The following MAPK10 variants were observed in gnomAD, a reference collection of about 807,000 sequenced individuals.
The protein encoded by MAPK10 is JNK3 alpha protein kinase.
In MAPK10, 25 loss-of-function variants were observed where a neutral mutation model predicts 59.3. The observed-to-expected ratio is 0.42, with a 90% confidence interval of 0.31 to 0.59. MAPK10 has a LOEUF of 0.59. Ranked by LOEUF, MAPK10 falls within the 20% of genes least tolerant of loss-of-function variation. The probability of loss-of-function intolerance (pLI) is 0.15; values close to 1 mark genes in which losing one functional copy is unlikely to be tolerated. For synonymous variants in MAPK10, 190 were observed against 200.5 expected, an observed-to-expected ratio of 0.95 and a Z score of 0.44; for missense variants, 351 against 568.9, an observed-to-expected ratio of 0.62 and a Z score of 3.90.
At chr4:86,159,953 T>G (rs1444199718) in intron 3 of MAPK10, among the ~76,000 whole-genome samples, 2 of 152,012 alleles carry the variant, frequency 1.3e-5, no homozygotes, top group African/African-American at 4.8e-5. Flanking sequence ...TATGTAAAGT[T>G]TTAATTATTT....
intron 1 of MAPK10, among the ~76,000 whole-genome samples, chr4:86,490,777 T>G (rs1280249259): frequency 6.6e-6 from 1 of 152,202 alleles, no homozygotes; most frequent in Non-Finnish European, 1.5e-5. Context: ...TTTTCTAATC[T>G]AAACAAAGGT....
chr4:86,050,701 T>C (rs765576325), intron 11 of MAPK10, among the ~76,000 whole-genome samples: 16 of 152,170 alleles, frequency 1.1e-4, no homozygotes, highest in African/African-American at 2.9e-4. Context: ...TGACTATGCA[T>C]GTAAGAATTC....
At chr4:86,352,250 T>G (rs1731926568) in intron 2 of MAPK10, 1 of 151,720 alleles carries the variant, frequency 6.6e-6, no homozygotes, top group Non-Finnish European at 1.5e-5. Flanking sequence ...TATATAAACA[T>G]AAAAATGATA....
intron 1 of MAPK10, among the ~76,000 whole-genome samples, chr4:86,536,030 T>C (rs889736720): frequency 6.6e-6 from 1 of 152,174 alleles, no homozygotes; most frequent in African/African-American, 2.4e-5. Flanking sequence ...AGAAATATAA[T>C]AGGACATTTT....
At chr4:86,577,522 G>A (rs1761990698) in intron 1 of MAPK10, among the ~76,000 whole-genome samples, 1 of 152,138 alleles carries the variant, frequency 6.6e-6, no homozygotes, top group Admixed American at 6.5e-5. Context: ...AGAATGCAAA[G>A]CTCTAATAAG....
rs546159937 is a variant in MAPK10 at position 86,521,096 on chromosome 4, C to T, written c.-263+72814G>A. On this transcript the variant is annotated intron_variant, in intron 1 of 4. Coordinates refer to the MAPK10 transcript ENST00000502302. ...CTTGTTTTCTCAAATGCTGGTTATG[C>T]TAGCAGTGAAGCTTTCATGTGGACA... Among the ~76,000 whole-genome samples, 8 of 152,286 alleles carry T rather than the reference C, an allele frequency of 5.3e-5. No homozygotes were observed. The East Asian group carries it at 1.4e-3, about 26-fold the overall frequency.
intron 3 of MAPK10, among the ~76,000 whole-genome samples, chr4:86,188,901 C>G (rs369560877): frequency 3.3e-5 from 5 of 152,268 alleles, no homozygotes; most frequent in Admixed American, 2.6e-4. Context: ...ACGTTTAAGT[C>G]TTTAATCCAT....
intron 1 of MAPK10, among the ~76,000 whole-genome samples, chr4:86,450,903 C>A (rs1458614226): frequency 1.3e-5 from 2 of 152,126 alleles, no homozygotes; most frequent in Non-Finnish European, 2.9e-5. Flanking sequence ...AAGTTATTTT[C>A]TTTTTCTTCT....
chr4:86,375,182 GCA>G (rs1215504347), intron 1 of MAPK10, among the ~76,000 whole-genome samples: 1 of 151,954 alleles, frequency 6.6e-6, no homozygotes, highest in African/African-American at 2.4e-5. Context: ...AGAAATGTGT[GCA>G]CACACACACA....
Position 86,252,048 on chromosome 4 carries a change from G to A in MAPK10, c.-6-57641C>T, listed in dbSNP as rs1434799256. Among the ~76,000 whole-genome samples the A allele has an allele frequency of 7.6e-5, 9 of 118,522 alleles. 1 individual carries two copies. Among genetic ancestry groups the A allele is most frequent in the Non-Finnish European group, 1.3e-4 (8 of 62,160 alleles). 77.8% of individuals were successfully genotyped at this position (118,522 alleles called of 152,430 possible). On this transcript the variant is annotated intron_variant, in intron 2 of 13. Transcript: ENST00000641462. ...GTTTTTTTCTTGTAAATTTGTTTGA[G>A]TTCATTGTAGCTTCTGGATATTAGC...
chr4:86,280,602 C>T (rs1179636630), intron 2 of MAPK10, among the ~76,000 whole-genome samples: 2 of 151,888 alleles, frequency 1.3e-5, no homozygotes, highest in Non-Finnish European at 2.9e-5. Flanking sequence ...GGGTATATAC[C>T]CAGTGGAAAA....
intron 2 of MAPK10, among the ~76,000 whole-genome samples, chr4:86,255,314 A>G (rs944812306): frequency 1.6e-4 from 25 of 152,304 alleles, no homozygotes; most frequent in African/African-American, 5.5e-4. Flanking sequence ...TCCCTGTGTC[A>G]ATGAATAAAG....
intron 1 of MAPK10, among the ~76,000 whole-genome samples, chr4:86,462,127 C>T (rs567752650): frequency 6.6e-6 from 1 of 152,350 alleles, no homozygotes. Context: ...ATTGATACTG[C>T]ACAAAAGCTA....
At chr4:86,202,355 T>C (rs55732338) in intron 2 of MAPK10, among the ~76,000 whole-genome samples, 4,524 of 151,952 alleles carry the variant, frequency 0.03, 157 homozygotes, top group African/African-American at 0.083. Context: ...CGTATAGTAT[T>C]GTAACCATTC....
chr4:86,103,553 G>A (rs995189060), intron 5 of MAPK10, among the ~76,000 whole-genome samples: 1 of 152,000 alleles, frequency 6.6e-6, no homozygotes, highest in Admixed American at 6.6e-5. Context: ...GGGCCTTCGG[G>A]GGATTAAACA....
intron 1 of MAPK10, among the ~76,000 whole-genome samples, chr4:86,479,618 C>T (rs984071668): frequency 6.6e-6 from 1 of 152,140 alleles, no homozygotes; most frequent in Non-Finnish European, 1.5e-5. Flanking sequence ...CTGATGTCTC[C>T]TGGTGCTATC....
At chr4:86,428,311 T>C (rs1463718494) in intron 1 of MAPK10, among the ~76,000 whole-genome samples, 3 of 152,012 alleles carry the variant, frequency 2.0e-5, no homozygotes, top group Non-Finnish European at 4.4e-5. Context: ...GCCTGGCTAA[T>C]TTTTGTATTT....
chr4:86,205,463 G>A (rs762882420), intron 2 of MAPK10, among the ~76,000 whole-genome samples: 10 of 151,876 alleles, frequency 6.6e-5, no homozygotes, highest in Non-Finnish European at 1.5e-4. Context: ...ACAAAAAAGT[G>A]AGAAATCCTC....
intron 2 of MAPK10, among the ~76,000 whole-genome samples, chr4:86,289,672 TTATAATA>T (rs2095156590): frequency 6.6e-6 from 1 of 150,540 alleles, no homozygotes; most frequent in African/African-American, 2.4e-5. Flanking sequence ...CATTTTATAA[TTATAATA>T]TATAATAGTG....
Sources: gnomAD v4.1 joint callset for allele counts (sites outside exome capture counted in the v4.1 genomes callset) on GRCh38, gnomAD v4.1.1 for gene constraint, MANE v1.5 for transcripts, NCBI Gene and HGNC (gene_info 2026-07-23, HGNC 2026-07-21) for gene names.